KANSL1L: variants seen among roughly 807,000 people sequenced by gnomAD.
KANSL1L encodes KAT8 regulatory NSL complex subunit 1 like.
Under a neutral mutation model 108.6 loss-of-function variants are expected in KANSL1L, and 25 were observed. The ratio of observed to expected loss-of-function variants is 0.23; its 90% confidence interval spans 0.17 to 0.32. KANSL1L has a LOEUF of 0.32. Ranked by LOEUF, KANSL1L falls within the 10% of genes least tolerant of loss-of-function variation. KANSL1L has a pLI of 1.00. For synonymous variants in KANSL1L, 405 were observed against 395.1 expected, an observed-to-expected ratio of 1.03 and a Z score of -0.30; for missense variants, 1,137 against 1,125.7, an observed-to-expected ratio of 1.01 and a Z score of -0.14.
In KANSL1L at chr2:210,033,615, C is replaced by T. The variant is rs963213072; in HGVS notation, c.2030-2069G>A. ...CGCGATCTCGGCTCACTGCAAACTC[C>T]GCCTCCCGGGTTCACGCCATTCTCC... On this transcript the variant is annotated intron_variant, in intron 8 of 14. Coordinates refer to ENST00000281772, the MANE Select transcript of KANSL1L (RefSeq NM_152519.4). 3.1e-4 allele frequency among the ~76,000 whole-genome samples: 47 copies of T among 152,082 alleles called. 1 individual carries two copies. Among genetic ancestry groups the T allele is most frequent in the African/African-American group, 1.0e-3 (43 of 41,512 alleles).
intron 4 of KANSL1L, among the ~76,000 whole-genome samples, chr2:210,102,931 T>C (rs1308121213): frequency 6.6e-6 from 1 of 152,112 alleles, no homozygotes; most frequent in Non-Finnish European, 1.5e-5. Context: ...GATCTAGAAC[T>C]AGAAATACCA....
intron 3 of KANSL1L, among the ~76,000 whole-genome samples, chr2:210,111,874 C>T (rs901280375): frequency 4.6e-5 from 7 of 151,228 alleles, no homozygotes; most frequent in Admixed American, 1.3e-4. Flanking sequence ...CTAAAGCTCT[C>T]GCTGCCCCCT....
At chr2:210,121,186 A>G (rs1372815422) in intron 3 of KANSL1L, among the ~76,000 whole-genome samples, 1 of 152,196 alleles carries the variant, frequency 6.6e-6, no homozygotes, top group Non-Finnish European at 1.5e-5. Flanking sequence ...TTATAAAGAT[A>G]CACACATGTG....
In KANSL1L at chr2:210,044,142, GCA is replaced by G. The variant is rs1575406338; in HGVS notation, c.1756-40_1756-39del. 6.9e-7 allele frequency: 1 copy of G among 1,443,798 alleles called. No homozygotes were observed. The highest frequency in any genetic ancestry group is 2.6e-5 in the East Asian group (1 of 39,202). 89.4% of individuals were successfully genotyped at this position (1,443,798 alleles called of 1,614,324 possible). On this transcript the variant is annotated intron_variant, in intron 6 of 14. Coordinates refer to ENST00000281772, the MANE Select transcript of KANSL1L (RefSeq NM_152519.4). This position sits in a 1 kb window ranked among gnomAD's most constrained non-coding sequence, Gnocchi z 4.2. ...ACCGTATTAGAATATCACAGCCAAA[GCA>G]TCCATAAATGGCATATCTCTACATT...
At chr2:210,068,168 G>A (rs745375231) in intron 6 of KANSL1L, among the ~76,000 whole-genome samples, 3 of 152,218 alleles carry the variant, frequency 2.0e-5, no homozygotes, top group South Asian at 2.1e-4. Context: ...GAGCCACCGC[G>A]CCCGGCTGCA....
upstream of KANSL1L, among the ~76,000 whole-genome samples, chr2:210,172,483 C>G (rs908060827): frequency 6.6e-6 from 1 of 152,174 alleles, no homozygotes; most frequent in Non-Finnish European, 1.5e-5. Context: ...ATTAGCTACT[C>G]GTTCCTGGTT....
intron 6 of KANSL1L, among the ~76,000 whole-genome samples, chr2:210,065,611 A>C (rs2723207): frequency 0.5 from 66,924 of 133,282 alleles, 18,229 homozygotes; most frequent in Middle Eastern, 0.66. Flanking sequence ...TTTGATACAG[A>C]GTTTTGCTCT....
At chr2:210,169,921 C>T (rs1325191160) in intron 1 of KANSL1L, among the ~76,000 whole-genome samples, 1 of 152,158 alleles carries the variant, frequency 6.6e-6, no homozygotes, top group Non-Finnish European at 1.5e-5. Flanking sequence ...AATCACTTTT[C>T]CTAATACAAG....
At chr2:210,127,694 G>T (rs2095079210) in intron 3 of KANSL1L, among the ~76,000 whole-genome samples, 1 of 149,650 alleles carries the variant, frequency 6.7e-6, no homozygotes, top group Non-Finnish European at 1.5e-5. Context: ...AGCTACTTGG[G>T]AGTCTGAGGT....
rs1371709843 is a variant in KANSL1L at position 210,044,859 on chromosome 2, TC to T, written c.1756-756del. On this transcript the variant is annotated intron_variant, in intron 6 of 14. Transcript: ENST00000281772. This position sits in a 1 kb window ranked among gnomAD's most constrained non-coding sequence, Gnocchi z 4.2. ...ATCTCGGCTCACTGCAACTTCTGCC[TC>T]CCGGGTTCAAGCGATTCTCCTGCCT... Among the ~76,000 whole-genome samples, 5 of 152,074 alleles carry T rather than the reference TC, an allele frequency of 3.3e-5. No individual in the cohort carries two copies. In the East Asian group the frequency reaches 9.6e-4, roughly 29 times the overall value.
chr2:210,139,842 A>G (rs2095212296), intron 2 of KANSL1L, among the ~76,000 whole-genome samples: 1 of 150,376 alleles, frequency 6.6e-6, no homozygotes, highest in Non-Finnish European at 1.5e-5. Flanking sequence ...CCTGGGCTCG[A>G]GTGATCTTCC....
Position 210,043,978 on chromosome 2 carries a change from ACT to A in KANSL1L, c.1880_1881del (p.Glu627ValfsTer22). The A allele has an allele frequency of 6.2e-7, 1 of 1,601,666 alleles. No individual in the cohort carries two copies. The highest frequency in any genetic ancestry group is 2.3e-5 in the East Asian group (1 of 43,858). On this transcript the variant is annotated frameshift_variant, in exon 7 of 15. Transcript: ENST00000281772. LOFTEE classifies it high-confidence loss of function. ...ESYLLREHVS[E>X]LDSSFHSVLS... ...AGAACAGAATGGAAAGAGGAATCTA[ACT>A]CTGATACATGTTCTCTTAATAGGTA...
At position 210,129,176 on chromosome 2, in the gene KANSL1L, T is replaced by C; in HGVS notation, c.1089-4A>G. On this transcript the variant is annotated splice_region_variant and splice_polypyrimidine_tract_variant and intron_variant, in intron 2 of 14. Transcript: ENST00000281772. ...CTTCCATTCAGTACTACAGTTACTG[T>C]GAACAAAACAAACACTGTTACTCAA... is the stretch of plus-strand genomic sequence containing the variant. 1 of 1,602,500 alleles carries C rather than the reference T, an allele frequency of 6.2e-7. No individual in the cohort carries two copies. Among genetic ancestry groups the C allele is most frequent in the Non-Finnish European group, 8.5e-7 (1 of 1,174,108 alleles).
chr2:210,151,005 T>C (rs1160458155), intron 2 of KANSL1L, among the ~76,000 whole-genome samples: 1 of 152,044 alleles, frequency 6.6e-6, no homozygotes. Flanking sequence ...CAAAACAGTC[T>C]GAAAAGACAA....
chr2:210,153,190 C>T (rs1232301940), intron 2 of KANSL1L: 5 of 205,284 alleles, frequency 2.4e-5, no homozygotes, highest in East Asian at 2.7e-4. Flanking sequence ...CTTGCCTCTA[C>T]GAAAAATACA....
rs1318393057 is a variant in KANSL1L at position 210,079,666 on chromosome 2, G to GTATATATATATATATATATA, written c.1551-3911_1551-3910insTATATATATATATATATATA. 1.1e-4 allele frequency: 2 copies of GTATATATATATATATATATA among 18,426 alleles called. 1 individual carries two copies. Among genetic ancestry groups the GTATATATATATATATATATA allele is most frequent in the Non-Finnish European group, 1.8e-4 (2 of 11,262 alleles). 1.1% of individuals were successfully genotyped at this position (18,426 alleles called of 1,614,324 possible). A position where few individuals can be genotyped will look rare whatever the true frequency, so the allele number is the denominator to read the frequency against. ...TATATATATATATATATATATATAT[G>GTATATATATATATATATATA]TATGTGTGTATATATATATATATAT... is the stretch of plus-strand genomic sequence containing the variant. On this transcript the variant is annotated intron_variant, in intron 5 of 14. Transcript: ENST00000281772.
intron 6 of KANSL1L, among the ~76,000 whole-genome samples, chr2:210,056,185 C>T (rs1019932757): frequency 2.6e-5 from 4 of 152,202 alleles, no homozygotes; most frequent in Admixed American, 6.5e-5. Context: ...TGGCAGCTTA[C>T]GTGTGGTGTT....
intron 6 of KANSL1L, among the ~76,000 whole-genome samples, chr2:210,059,783 T>C (rs1317491889): frequency 6.6e-6 from 1 of 152,118 alleles, no homozygotes; most frequent in Non-Finnish European, 1.5e-5. Context: ...CTTTTTTTTT[T>C]TTTGAGATAG....
chr2:210,108,744 A>G (rs1383784181), intron 3 of KANSL1L, among the ~76,000 whole-genome samples: 1 of 152,198 alleles, frequency 6.6e-6, no homozygotes, highest in African/African-American at 2.4e-5. Context: ...GAACAATGAG[A>G]AAAAGTAACT....
Sources: allele counts gnomAD v4.1 joint callset (sites outside exome capture counted in the v4.1 genomes callset), GRCh38; gene constraint gnomAD v4.1.1; non-coding constraint Gnocchi (gnomAD v3.1); transcripts MANE v1.5; gene names NCBI Gene and HGNC (gene_info 2026-07-23, HGNC 2026-07-21).